Variants in NTRK3 observed in about 807,000 individuals in gnomAD.
NTRK3 encodes neurotrophic receptor tyrosine kinase 3.
NTRK3 carries 24 observed loss-of-function variants against 91.7 expected under a neutral mutation model. The ratio of observed to expected loss-of-function variants is 0.26; its 90% confidence interval spans 0.19 to 0.37. NTRK3 has a LOEUF of 0.37. Ranked by LOEUF, NTRK3 falls within the 10% of genes least tolerant of loss-of-function variation. NTRK3 has a pLI of 1.00. For synonymous variants in NTRK3, 483 were observed against 404.0 expected (o/e 1.20, Z -2.34); for missense variants, 880 against 1,068.9 (o/e 0.82, Z 2.46).
chr15:87,935,305 A>T (rs927370120), intron 15 of NTRK3, among the ~76,000 whole-genome samples: 1 of 152,150 alleles, frequency 6.6e-6, no homozygotes, highest in Non-Finnish European at 1.5e-5. Flanking sequence ...AGGACATGTG[A>T]TCAGCCCAAT....
intron 13 of NTRK3, among the ~76,000 whole-genome samples, chr15:88,047,089 A>C (rs1375323113): frequency 6.6e-6 from 1 of 152,150 alleles, no homozygotes; most frequent in Non-Finnish European, 1.5e-5. Context: ...ACACAGGGAA[A>C]AGCAATGAGG....
At chr15:88,007,286 C>T (rs185554286) in intron 14 of NTRK3, among the ~76,000 whole-genome samples, 30 of 152,308 alleles carry the variant, frequency 2.0e-4, no homozygotes, top group African/African-American at 7.0e-4. Context: ...AACCAGTAGT[C>T]GGCAGGGTGG....
intron 13 of NTRK3, among the ~76,000 whole-genome samples, chr15:88,124,048 T>C (rs1395630811): frequency 6.6e-6 from 1 of 152,080 alleles, no homozygotes; most frequent in Non-Finnish European, 1.5e-5. Flanking sequence ...ATTCGGATGG[T>C]TGGGGGGCTT....
intron 14 of NTRK3, among the ~76,000 whole-genome samples, chr15:88,006,250 C>G (rs771428491): frequency 6.6e-6 from 1 of 152,192 alleles, no homozygotes; most frequent in Non-Finnish European, 1.5e-5. Context: ...TCCTTCTCTT[C>G]CACCCCCACC....
intron 6 of NTRK3, among the ~76,000 whole-genome samples, chr15:88,146,947 T>A (rs1474056298): frequency 6.6e-6 from 1 of 152,166 alleles, no homozygotes. Flanking sequence ...CTCTTATGAC[T>A]CTTATGATGA....
At chr15:87,919,093 C>T (rs2067664847) in intron 17 of NTRK3, among the ~76,000 whole-genome samples, 1 of 137,196 alleles carries the variant, frequency 7.3e-6, no homozygotes, top group Non-Finnish European at 1.5e-5. Context: ...GTGGCCAGTA[C>T]TTGTGAAAAG....
At chr15:88,056,202 A>ATAT (rs1404710645) in intron 13 of NTRK3, among the ~76,000 whole-genome samples, 2 of 104,864 alleles carry the variant, frequency 1.9e-5, no homozygotes, top group Non-Finnish European at 3.7e-5. Context: ...ATATATATAT[A>ATAT]TTTTTTTTTT....
chr15:88,012,932 T>G (rs2076981817), intron 14 of NTRK3, among the ~76,000 whole-genome samples: 1 of 152,260 alleles, frequency 6.6e-6, no homozygotes, highest in Admixed American at 6.5e-5. Flanking sequence ...ATGCTGATGC[T>G]GCTGGTCTGC....
chr15:88,032,729 G>T, intron 14 of NTRK3, 128 bp downstream of exon 14: 1 of 1,023,870 alleles, frequency 9.8e-7, no homozygotes, highest in Non-Finnish European at 1.5e-6. Context: ...AACAGGGAGG[G>T]TCTCTTAGAA....
intron 14 of NTRK3, among the ~76,000 whole-genome samples, chr15:87,959,957 G>T (rs1204588139): frequency 6.6e-6 from 1 of 152,208 alleles, no homozygotes; most frequent in East Asian, 1.9e-4. Context: ...GATGAAGGAG[G>T]TTGCCTGCTG....
intron 14 of NTRK3, among the ~76,000 whole-genome samples, chr15:87,991,614 C>A (rs2075294294): frequency 6.6e-6 from 1 of 152,186 alleles, no homozygotes; most frequent in South Asian, 2.1e-4. Flanking sequence ...AACAATTTCC[C>A]TTTCTGACAG....
At chr15:88,254,772 G>C (rs1268752447) in intron 3 of NTRK3, among the ~76,000 whole-genome samples, 1 of 152,170 alleles carries the variant, frequency 6.6e-6, no homozygotes, top group East Asian at 1.9e-4. Flanking sequence ...CTTCTCAGCT[G>C]CCTACCCATT....
intron 13 of NTRK3, among the ~76,000 whole-genome samples, chr15:88,093,734 C>A (rs2049270617): frequency 6.6e-6 from 1 of 152,094 alleles, no homozygotes; most frequent in African/African-American, 2.4e-5. Context: ...AGACAGGGTT[C>A]TTTCTTTGGA....
intron 5 of NTRK3, among the ~76,000 whole-genome samples, chr15:88,179,049 C>A (rs1325759433): frequency 6.6e-6 from 1 of 152,236 alleles, no homozygotes; most frequent in Non-Finnish European, 1.5e-5. Context: ...TCAGTTATAA[C>A]TTCTGAGCTT....
intron 3 of NTRK3, among the ~76,000 whole-genome samples, chr15:88,191,942 G>A (rs1477443217): frequency 6.6e-6 from 1 of 152,204 alleles, no homozygotes; most frequent in Non-Finnish European, 1.5e-5. Context: ...CCAGGGGTTG[G>A]GACGGCTTGT....
At chr15:88,191,863 CCCTT>C (rs1355942822) in intron 3 of NTRK3, among the ~76,000 whole-genome samples, 1 of 152,250 alleles carries the variant, frequency 6.6e-6, no homozygotes, top group Non-Finnish European at 1.5e-5. Context: ...GGCTCTCCCT[CCCTT>C]GACAGCTGTT....
At chr15:88,155,714 CAT>C (rs1230300389) in intron 5 of NTRK3, among the ~76,000 whole-genome samples, 2 of 152,186 alleles carry the variant, frequency 1.3e-5, no homozygotes, top group African/African-American at 4.8e-5. Flanking sequence ...CTGTTAGTCA[CAT>C]GTTAAAGAGT....
intron 6 of NTRK3, among the ~76,000 whole-genome samples, chr15:88,145,972 A>G (rs967489015): frequency 6.6e-6 from 1 of 152,208 alleles, no homozygotes; most frequent in Non-Finnish European, 1.5e-5. Flanking sequence ...TCAGTGAGTG[A>G]CCTTAAACAG....
Position 87,964,978 on chromosome 15 carries a change from AT to A in NTRK3, c.1586-24226del, listed in dbSNP as rs549966266. Among the ~76,000 whole-genome samples, 723 of 152,288 alleles carry A rather than the reference AT, an allele frequency of 4.7e-3. 8 individuals are homozygous for A. Among genetic ancestry groups the A allele is most frequent in the African/African-American group, 0.017 (687 of 41,574 alleles). ...AGTTTGTGTGTGTGTATATGTGTGT[AT>A]TTTTTTAACCATGTGGTGAATATAT... On this transcript the variant is annotated intron_variant, in intron 14 of 18. Transcript: ENST00000394480.
Sources: gnomAD v4.1 joint callset for allele counts (sites outside exome capture counted in the v4.1 genomes callset) on GRCh38, gnomAD v4.1.1 for gene constraint, MANE v1.5 for transcripts, NCBI Gene and HGNC (gene_info 2026-07-23, HGNC 2026-07-21) for gene names.